MROH1: variants seen among roughly 807,000 people sequenced by gnomAD.
MROH1 encodes the protein maestro heat like repeat family member 1.
In MROH1, 117 loss-of-function variants were observed where a neutral mutation model predicts 116.5. That is an observed-to-expected ratio of 1.00 (90% CI 0.86 to 1.17). The LOEUF (loss-of-function observed/expected upper bound fraction) is 1.17, where lower values mean the gene tolerates loss of function less well. Ranked by LOEUF, MROH1 falls within the 50% of genes most tolerant of loss-of-function variation. The probability of loss-of-function intolerance (pLI) is 0.00; values close to 1 mark genes in which losing one functional copy is unlikely to be tolerated. For synonymous variants in MROH1, 921 were observed against 583.9 expected, an observed-to-expected ratio of 1.58 and a Z score of -8.32; for missense variants, 1,873 against 1,338.5, an observed-to-expected ratio of 1.40 and a Z score of -6.23.
chr8:144,224,517 C>T (rs987622068), intron 14 of MROH1, among the ~76,000 whole-genome samples: 5 of 152,116 alleles, frequency 3.3e-5, no homozygotes, highest in Non-Finnish European at 5.9e-5. Context: ...CCTCCCACCT[C>T]GGCCTGAAAA....
chr8:144,223,501 A>T (rs1016507218), intron 14 of MROH1, among the ~76,000 whole-genome samples: 1 of 152,068 alleles, frequency 6.6e-6, no homozygotes, highest in African/African-American at 2.4e-5. Context: ...TCAGCCCCCC[A>T]AGACTACAGG....
Position 144,179,323 on chromosome 8 carries a change from G to A in MROH1, c.169-132G>A, listed in dbSNP as rs983542383. 5.2e-6 allele frequency: 7 copies of A among 1,339,378 alleles called. No individual in the cohort carries two copies. The South Asian group carries it at 9.8e-5, about 19-fold the overall frequency. 83.0% of individuals were successfully genotyped at this position (1,339,378 alleles called of 1,614,324 possible). On this transcript the variant is annotated intron_variant, in intron 4 of 43. Transcript: ENST00000326134. ...CTTTTAGGGCGTGAGGAGTGATCAGGTGTACCCCTCCCCTCCTGCACTTGA... is the reference window on the plus strand; with the variant it reads ...CTTTTAGGGCGTGAGGAGTGATCAGATGTACCCCTCCCCTCCTGCACTTGA...
chr8:144,243,363 G>C, intron 24 of MROH1, 131 bp from the exon 25 acceptor site: 1 of 688,752 alleles, frequency 1.5e-6, no homozygotes, highest in Non-Finnish European at 2.7e-6. Context: ...ATAAGCAAAA[G>C]GGCTGGCTAG....
At chr8:144,150,008 C>T (rs1162357424) in intron 1 of MROH1, among the ~76,000 whole-genome samples, 1 of 152,208 alleles carries the variant, frequency 6.6e-6, no homozygotes, top group African/African-American at 2.4e-5. Flanking sequence ...ATTCTGTGAC[C>T]TCCCAGTCTC....
intron 7 of MROH1, among the ~76,000 whole-genome samples, chr8:144,189,127 TTG>T (rs1827930650): frequency 6.6e-6 from 1 of 152,212 alleles, no homozygotes; most frequent in South Asian, 2.1e-4. Context: ...CAGCGAGCTA[TTG>T]GGATTGGCAC....
chr8:144,161,579 C>T (rs915003653), intron 2 of MROH1, among the ~76,000 whole-genome samples: 1 of 152,238 alleles, frequency 6.6e-6, no homozygotes, highest in Admixed American at 6.5e-5. Context: ...TCAGGCCGCA[C>T]AGTCCTTCAT....
rs545542490 is a variant in MROH1, at chr8:144,162,130, G to A, written c.-57+1041G>A. Among the ~76,000 whole-genome samples the A allele has an allele frequency of 2.9e-4, 44 of 149,460 alleles. 1 individual carries two copies. The highest frequency in any genetic ancestry group is 2.9e-3 in the Admixed American group (44 of 15,012). Reference sequence around the variant, plus strand: ...GACAGAGTCTCACTCTGTCGCCCAGGCTGGAGTGCAGTGGCACGATCTCAG... The same window carrying A: ...GACAGAGTCTCACTCTGTCGCCCAGACTGGAGTGCAGTGGCACGATCTCAG... On this transcript the variant is annotated intron_variant, in intron 2 of 43. Transcript: ENST00000326134.
intron 10 of MROH1, among the ~76,000 whole-genome samples, chr8:144,196,588 CTCAAGTGA>C (rs1430598663): frequency 6.6e-6 from 1 of 150,820 alleles, no homozygotes; most frequent in Non-Finnish European, 1.5e-5. Context: ...AACTCCTGAC[CTCAAGTGA>C]TCTACCCACC....
At chr8:144,253,769 C>G (rs1843227291) in intron 33 of MROH1, among the ~76,000 whole-genome samples, 1 of 152,024 alleles carries the variant, frequency 6.6e-6, no homozygotes, top group Admixed American at 6.6e-5. Flanking sequence ...TGTGACTGTT[C>G]TTTCCGTGGC....
rs1233426388 is a variant in MROH1, at chr8:144,240,465, C to A, written c.1828-105C>A. On this transcript the variant is annotated intron_variant, in intron 19 of 43. Transcript: ENST00000326134. The stretch of plus-strand genomic sequence containing the variant: ...GCCGCCCCCGGCCTCCGCTGGAAGG[C>A]GGTCTGCAGCCCCTGCAGCCACAGC... 5 of 701,758 alleles carry A rather than the reference C, an allele frequency of 7.1e-6. No individual in the cohort carries two copies. In the African/African-American group the frequency reaches 8.7e-5, roughly 12 times the overall value. The allele number at this position is 701,758 out of a possible 1,614,324, so 43.5% of individuals were successfully genotyped here.
In MROH1 at chr8:144,232,470, G is replaced by GTTTATTTA. The variant is rs1262104710; in HGVS notation, c.1339-6283_1339-6282insATTTATTT. ...GTAGATTAGATTGAGTGCTTTGTTTGTTTGTTTATTTATTTATTTATTTAT... is the reference window on the plus strand; with the variant it reads ...GTAGATTAGATTGAGTGCTTTGTTTGTTTATTTATTTGTTTATTTATTTATTTATTTAT... On this transcript the variant is annotated intron_variant, in intron 14 of 43. Coordinates refer to ENST00000326134, the MANE Select transcript of MROH1 (RefSeq NM_032450.3). Among the ~76,000 whole-genome samples, 809 of 148,458 alleles carry GTTTATTTA rather than the reference G, an allele frequency of 5.4e-3. 9 individuals carry two copies. Among genetic ancestry groups the GTTTATTTA allele is most frequent in the African/African-American group, 0.02 (775 of 38,526 alleles).
At chr8:144,167,996 A>G (rs1313966035) in intron 3 of MROH1, among the ~76,000 whole-genome samples, 1 of 152,060 alleles carries the variant, frequency 6.6e-6, no homozygotes, top group East Asian at 1.9e-4. Flanking sequence ...GAGGCAGGCT[A>G]TGTCCTCTGT....
intron 12 of MROH1, chr8:144,212,921 C>T: frequency 1.4e-6 from 1 of 720,096 alleles, no homozygotes; most frequent in Non-Finnish European, 2.6e-6. Context: ...TCTCTGTTCT[C>T]AGGAATCCAG....
At chr8:144,228,177 G>T (rs1838169069) in intron 14 of MROH1, among the ~76,000 whole-genome samples, 1 of 152,216 alleles carries the variant, frequency 6.6e-6, no homozygotes, top group Admixed American at 6.5e-5. Context: ...TGAAGCTGCA[G>T]TGAGCTGTGA....
intron 1 of MROH1, among the ~76,000 whole-genome samples, chr8:144,156,347 G>A (rs1239400437): frequency 6.6e-6 from 1 of 151,262 alleles, no homozygotes; most frequent in Non-Finnish European, 1.5e-5. Context: ...ACGTTGGATT[G>A]TGACAAATGC....
chr8:144,184,117 G>A (rs185143124), intron 7 of MROH1, among the ~76,000 whole-genome samples: 2 of 152,310 alleles, frequency 1.3e-5, no homozygotes, highest in African/African-American at 4.8e-5. Context: ...TTGTAACCAT[G>A]GTCTGTCCTG....
chr8:144,180,598 G>A lies in MROH1; in HGVS notation c.562+75G>A. 1 of 1,428,154 alleles carries A rather than the reference G, an allele frequency of 7.0e-7. No individual in the cohort carries two copies. Among genetic ancestry groups the A allele is most frequent in the Non-Finnish European group, 9.6e-7 (1 of 1,040,912 alleles). The allele number at this position is 1,428,154 out of a possible 1,614,324, so 88.5% of individuals were successfully genotyped here. On this transcript the variant is annotated intron_variant, in intron 7 of 43. Transcript: ENST00000326134. This position sits in a 1 kb window ranked among gnomAD's most constrained non-coding sequence, Gnocchi z 7.4. ...GCTGTTCCCGGGCATGCCTGTTTTA[G>A]GGGGGACAGGTGGGCACTTTAGGCT...
At chr8:144,211,069 G>A (rs577897551) in intron 12 of MROH1, among the ~76,000 whole-genome samples, 2 of 152,262 alleles carry the variant, frequency 1.3e-5, no homozygotes, top group South Asian at 2.1e-4. Flanking sequence ...AGAAGAACCT[G>A]GCTGTTTATT....
chr8:144,156,852 G>A (rs1207540970), intron 1 of MROH1, among the ~76,000 whole-genome samples: 3 of 144,514 alleles, frequency 2.1e-5, no homozygotes, highest in Non-Finnish European at 3.0e-5. Flanking sequence ...GTGCTATCTC[G>A]GCTCATTGCA....
Sources: allele counts gnomAD v4.1 joint callset (sites outside exome capture counted in the v4.1 genomes callset), GRCh38; gene constraint gnomAD v4.1.1; non-coding constraint Gnocchi (gnomAD v3.1); transcripts MANE v1.5; gene names NCBI Gene and HGNC (gene_info 2026-07-23, HGNC 2026-07-21).